BLOC1S6: variants seen among roughly 807,000 people sequenced by gnomAD.
BLOC1S6 encodes the protein biogenesis of lysosomal organelles complex 1 subunit 6, also known as biogenesis of lysosome-related organelles complex 1 subunit 6.
A neutral mutation model predicts 24.7 loss-of-function variants in BLOC1S6; 24 were observed. The ratio of observed to expected loss-of-function variants is 0.97; its 90% CI spans 0.70 to 1.37. The LOEUF is 1.37. Among genes scored for constraint, BLOC1S6 ranks in the 40% most tolerant of loss-of-function variants. The pLI, the probability that BLOC1S6 is intolerant of heterozygous loss-of-function variation, is 0.00. For synonymous variants in BLOC1S6, 76 were observed against 72.6 expected (o/e 1.05, Z -0.23); for missense variants, 175 against 196.2 (o/e 0.89, Z 0.64).
At chr15:45,601,602 T>C (rs1894271845) in intron 2 of BLOC1S6, among the ~76,000 whole-genome samples, 2 of 152,092 alleles carry the variant, frequency 1.3e-5, no homozygotes, top group Non-Finnish European at 2.9e-5. Flanking sequence ...CAGTGGTGAT[T>C]ACTGCTCTTT....
At chr15:45,605,830 T>C (rs1236588247) in intron 4 of BLOC1S6, 1 of 319,092 alleles carries the variant, frequency 3.1e-6, no homozygotes, top group Non-Finnish European at 6.0e-6. Context: ...CCTCAGGTGA[T>C]ACGCCTGCCT....
At chr15:45,592,820 C>T (rs1461652485) in intron 2 of BLOC1S6, among the ~76,000 whole-genome samples, 2 of 152,144 alleles carry the variant, frequency 1.3e-5, no homozygotes, top group Non-Finnish European at 2.9e-5. Flanking sequence ...AAAACATATA[C>T]TCTGGCTTTA....
intron 3 of BLOC1S6, 64 bp downstream of exon 3, chr15:45,603,251 TAAGCA>T: frequency 2.0e-6 from 2 of 1,006,116 alleles, no homozygotes; most frequent in Non-Finnish European, 3.0e-6. Flanking sequence ...AAGACTTAGC[TAAGCA>T]ATAGCTAAGA....
intron 2 of BLOC1S6, among the ~76,000 whole-genome samples, chr15:45,596,266 T>C (rs1894073143): frequency 6.6e-6 from 1 of 151,674 alleles, no homozygotes; most frequent in Non-Finnish European, 1.5e-5. Context: ...GGCGCAGCCT[T>C]AGCTCACTGC....
chr15:45,602,472 T>G, intron 2 of BLOC1S6: 1 of 549,620 alleles, frequency 1.8e-6, no homozygotes, highest in Non-Finnish European at 3.3e-6. Flanking sequence ...CCTCAATGAG[T>G]TTTGAATTAG....
rs1894542336 is a variant in BLOC1S6, at chr15:45,608,069, A to G, written c.*1555A>G. On this transcript the variant is annotated 3_prime_UTR_variant, in exon 5 of 5. Transcript: ENST00000220531. ...ACATAGGGACTGTACAGAGCCTGTG[A>G]AGATGTATGAATGGTATCTTTTATA... 6.6e-6 allele frequency: 1 copy of G among 152,654 alleles called. No individual in the cohort carries two copies. Among genetic ancestry groups the G allele is most frequent in the Admixed American group, 6.5e-5 (1 of 15,272 alleles). 9.5% of individuals were successfully genotyped at this position (152,654 alleles called of 1,614,324 possible).
At chr15:45,588,777 C>G (rs1394346770) in intron 1 of BLOC1S6, among the ~76,000 whole-genome samples, 1 of 152,218 alleles carries the variant, frequency 6.6e-6, no homozygotes, top group African/African-American at 2.4e-5. Context: ...CTCACTATTG[C>G]TATGCTGCAT....
At chr15:45,597,261 G>C (rs536949835) in intron 2 of BLOC1S6, among the ~76,000 whole-genome samples, 2 of 152,152 alleles carry the variant, frequency 1.3e-5, no homozygotes, top group Non-Finnish European at 1.5e-5. Context: ...AGGATCTCTT[G>C]AGGCCAGGAG....
chr15:45,605,398 T>C, intron 3 of BLOC1S6, 30 bp from the exon 4 acceptor site: 1 of 1,529,988 alleles, frequency 6.5e-7, no homozygotes, highest in Non-Finnish European at 9.0e-7. Context: ...CTATTTTAAC[T>C]TGACTTTTCA....
At chr15:45,605,752 C>T (rs1299223096) in intron 4 of BLOC1S6, 2 of 416,652 alleles carry the variant, frequency 4.8e-6, no homozygotes, top group South Asian at 2.3e-5. Context: ...ACCACACCCA[C>T]CTAATTTTTG....
intron 1 of BLOC1S6, among the ~76,000 whole-genome samples, chr15:45,588,371 T>C (rs927915858): frequency 1.3e-5 from 2 of 152,242 alleles, no homozygotes; most frequent in African/African-American, 2.4e-5. Flanking sequence ...CTGGATACTT[T>C]GACGTGGCTG....
At position 45,607,604 on chromosome 15, in the gene BLOC1S6, C is replaced by T. The variant is rs1026160318; in HGVS notation, c.*1090C>T. The T allele has an allele frequency of 6.6e-6, 1 of 152,202 alleles. No homozygotes were observed. The highest frequency in any genetic ancestry group is 2.4e-5 in the African/African-American group (1 of 41,412). 9.4% of individuals were successfully genotyped at this position (152,202 alleles called of 1,614,324 possible). On this transcript the variant is annotated 3_prime_UTR_variant, in exon 5 of 5. Coordinates refer to ENST00000220531, the MANE Select transcript of BLOC1S6 (RefSeq NM_012388.4). The stretch of plus-strand genomic sequence containing the variant: ...CCTGGCCAACATGGTGAAACCCCGT[C>T]TCTACTAGAAATACAAAAATTAGCT...
chr15:45,590,660 A>G (rs1893852372), intron 1 of BLOC1S6, among the ~76,000 whole-genome samples: 1 of 152,080 alleles, frequency 6.6e-6, no homozygotes, highest in Admixed American at 6.6e-5. Flanking sequence ...CGCCCACCTC[A>G]GCCTCCCAGA....
intron 2 of BLOC1S6, among the ~76,000 whole-genome samples, chr15:45,600,431 C>G (rs554853564): frequency 1.3e-5 from 2 of 152,098 alleles, no homozygotes; most frequent in South Asian, 2.1e-4. Flanking sequence ...TAAATGTTAG[C>G]TGCAGGTTTT....
At chr15:45,600,297 A>G (rs1466371564) in intron 2 of BLOC1S6, among the ~76,000 whole-genome samples, 1 of 151,726 alleles carries the variant, frequency 6.6e-6, no homozygotes, top group Non-Finnish European at 1.5e-5. Flanking sequence ...TAACCTGCAC[A>G]ATGTGCACAT....
intron 2 of BLOC1S6, chr15:45,602,214 C>G (rs994828642): frequency 2.1e-6 from 1 of 471,568 alleles, no homozygotes; most frequent in African/African-American, 2.0e-5. Flanking sequence ...AATTTATGAC[C>G]TGTAGGGTAT....
intron 1 of BLOC1S6, among the ~76,000 whole-genome samples, chr15:45,589,570 C>G (rs756912060): frequency 6.6e-5 from 10 of 152,206 alleles, no homozygotes; most frequent in Non-Finnish European, 1.2e-4. Context: ...TTCTGTTTCT[C>G]ATTTTCTGTG....
chr15:45,587,598 G>T, intron 1 of BLOC1S6, 73 bp downstream of exon 1: 1 of 1,415,690 alleles, frequency 7.1e-7, no homozygotes, highest in Non-Finnish European at 9.6e-7. Flanking sequence ...GTAGAACTCC[G>T]GAGAAACCCT....
chr15:45,605,894 T>G (rs1894438008), intron 4 of BLOC1S6: 1 of 269,502 alleles, frequency 3.7e-6, no homozygotes, highest in South Asian at 4.3e-5. Context: ...CCGGCCAGTA[T>G]TCATATTTTG....
Sources: allele counts gnomAD v4.1 joint callset (sites outside exome capture counted in the v4.1 genomes callset), GRCh38; gene constraint gnomAD v4.1.1; transcripts MANE v1.5; gene names NCBI Gene and HGNC (gene_info 2026-07-23, HGNC 2026-07-21).